Variants in MAGI2 observed in about 807,000 individuals in gnomAD.
MAGI2 encodes the protein membrane-associated guanylate kinase, WW and PDZ domain-containing protein 2.
Under a neutral mutation model 133.3 loss-of-function variants are expected in MAGI2, and 35 were observed. The observed-to-expected ratio is 0.26, with a 90% CI of 0.20 to 0.35. The LOEUF (loss-of-function observed/expected upper bound fraction) is 0.35, where lower values mean the gene tolerates loss of function less well. Ranked by LOEUF, MAGI2 falls within the 10% of genes least tolerant of loss-of-function variation. The probability of loss-of-function intolerance (pLI) is 1.00; values close to 1 mark genes in which losing one functional copy is unlikely to be tolerated. For missense variants in MAGI2, 1,636 were observed against 1,863.4 expected, an observed-to-expected ratio of 0.88 and a Z score of 2.25; for synonymous variants, 729 against 710.6, an observed-to-expected ratio of 1.03 and a Z score of -0.41.
At chr7:78,548,184 A>G (rs932328693) in intron 3 of MAGI2, among the ~76,000 whole-genome samples, 7 of 152,236 alleles carry the variant, frequency 4.6e-5, no homozygotes, top group African/African-American at 1.4e-4. Flanking sequence ...ACTCAGCATC[A>G]GTTTTCAACA....
intron 1 of MAGI2, among the ~76,000 whole-genome samples, chr7:79,338,157 G>A (rs912311236): frequency 1.3e-5 from 2 of 152,150 alleles, no homozygotes; most frequent in African/African-American, 4.8e-5. Context: ...AGCAGCTCTG[G>A]AATGTTTCAT....
chr7:79,017,229 GT>G (rs1336969449), intron 1 of MAGI2, among the ~76,000 whole-genome samples: 2 of 152,194 alleles, frequency 1.3e-5, no homozygotes, highest in African/African-American at 4.8e-5. Context: ...GGCCCCTCCA[GT>G]GAGTTAGGTT....
At chr7:79,287,352 A>T (rs1183215896) in intron 1 of MAGI2, among the ~76,000 whole-genome samples, 1 of 152,084 alleles carries the variant, frequency 6.6e-6, no homozygotes, top group Admixed American at 6.6e-5. Flanking sequence ...CATATTCACT[A>T]AGATTCTCTA....
At chr7:78,086,672 T>C (rs1816676945) in intron 20 of MAGI2, among the ~76,000 whole-genome samples, 1 of 151,270 alleles carries the variant, frequency 6.6e-6, no homozygotes, top group Non-Finnish European at 1.5e-5. Context: ...TCTCACTTTG[T>C]CACCCAAGCT....
intron 1 of MAGI2, among the ~76,000 whole-genome samples, chr7:79,385,968 A>AT (rs1844152145): frequency 6.6e-6 from 1 of 151,956 alleles, no homozygotes; most frequent in African/African-American, 2.4e-5. Context: ...AATAAAATTT[A>AT]TTTTTTTAAA....
chr7:78,659,610 A>C (rs1487487564), intron 2 of MAGI2, among the ~76,000 whole-genome samples: 1 of 152,088 alleles, frequency 6.6e-6, no homozygotes, highest in Non-Finnish European at 1.5e-5. Flanking sequence ...TGGAGAACAG[A>C]TTACTTGTTG....
At chr7:78,354,383 T>C (rs1440838259) in intron 7 of MAGI2, among the ~76,000 whole-genome samples, 1 of 152,218 alleles carries the variant, frequency 6.6e-6, no homozygotes, top group African/African-American at 2.4e-5. Flanking sequence ...AGGAATCCTT[T>C]GGAGCTTGAC....
At chr7:79,450,372 A>T (rs533831573) in intron 1 of MAGI2, among the ~76,000 whole-genome samples, 99 of 152,300 alleles carry the variant, frequency 6.5e-4, no homozygotes, top group Non-Finnish European at 1.1e-3. Context: ...AATAAAATTA[A>T]TCTATGATTT....
chr7:78,256,559 A>G lies in MAGI2; in HGVS notation c.1431T>C (p.Asn477=). Residue 477 remains asparagine, a synonymous_variant, in exon 10 of 22, where the codon AAT becomes AAC. Coordinates refer to ENST00000354212, the MANE Select transcript of MAGI2 (RefSeq NM_012301.4). ...GAGTGTGTCCAAGGACACAAACTTC[A>G]TTAATATAGACAATGACATCACCTG... ...METGDVIVYI[N]EVCVLGHTHA... is the part of the protein sequence containing the mutation. The G allele has an allele frequency of 1.9e-6, 3 of 1,613,446 alleles. No homozygotes were observed. The South Asian group carries it at 3.3e-5, about 18-fold the overall frequency.
intron 3 of MAGI2, among the ~76,000 whole-genome samples, chr7:78,624,353 T>C (rs558452688): frequency 2.6e-5 from 4 of 152,302 alleles, no homozygotes; most frequent in African/African-American, 9.6e-5. Context: ...TTGTTGCAAT[T>C]GCTTTTGGTG....
chr7:78,397,704 A>T (rs1796485624), intron 6 of MAGI2, among the ~76,000 whole-genome samples: 1 of 152,138 alleles, frequency 6.6e-6, no homozygotes, highest in African/African-American at 2.4e-5. Context: ...TAAGATTGAG[A>T]TATAAAAATC....
intron 1 of MAGI2, among the ~76,000 whole-genome samples, chr7:79,261,201 G>C (rs960606871): frequency 6.6e-6 from 1 of 152,212 alleles, no homozygotes; most frequent in African/African-American, 2.4e-5. Context: ...GGGAAGACTT[G>C]ATTCCCAATA....
intron 2 of MAGI2, among the ~76,000 whole-genome samples, chr7:78,833,626 G>A (rs1205936745): frequency 6.6e-6 from 1 of 152,158 alleles, no homozygotes; most frequent in Non-Finnish European, 1.5e-5. Flanking sequence ...TGAACCAAAA[G>A]GCTCAATGCC....
rs531438533 is a variant in MAGI2, at chr7:78,569,974, T to C, written c.539-48329A>G. ...CTTTGTTTTTGTGGATAGTAATGTT[T>C]TCATTGTTCTCATTGCTACAGAGTA... On this transcript the variant is annotated intron_variant, in intron 3 of 21. Coordinates refer to ENST00000354212, the MANE Select transcript of MAGI2 (RefSeq NM_012301.4). Among the ~76,000 whole-genome samples the C allele has an allele frequency of 6.5e-4, 99 of 152,384 alleles. 1 individual carries two copies. The highest frequency in any genetic ancestry group is 2.3e-3 in the African/African-American group (96 of 41,598).
chr7:78,298,297 C>G (rs1215247120), intron 9 of MAGI2, among the ~76,000 whole-genome samples: 1 of 152,074 alleles, frequency 6.6e-6, no homozygotes, highest in Admixed American at 6.6e-5. Context: ...AATGTGGTAT[C>G]CTGGATGGGA....
chr7:78,052,985 T>C (rs910593410), intron 21 of MAGI2, among the ~76,000 whole-genome samples: 3 of 152,106 alleles, frequency 2.0e-5, no homozygotes, highest in South Asian at 2.1e-4. Flanking sequence ...AAACAAGGTA[T>C]AGAAGGATAT....
rs865992611 is a variant in MAGI2, at chr7:79,359,685, C to A, written c.301+93335G>T. Reference sequence around the variant, plus strand: ...CAAGTGGGAAACACACACACACACACACACACACACACACACACACACACA... The same window carrying A: ...CAAGTGGGAAACACACACACACACAAACACACACACACACACACACACACA... On this transcript the variant is annotated intron_variant, in intron 1 of 21. Coordinates refer to ENST00000354212, the MANE Select transcript of MAGI2 (RefSeq NM_012301.4). 1.5e-3 allele frequency among the ~76,000 whole-genome samples: 225 copies of A among 150,214 alleles called. 2 individuals are homozygous for A. The highest frequency in any genetic ancestry group is 5.1e-3 in the African/African-American group (209 of 40,696).
chr7:78,704,778 C>CTTTTTTTTTTTTCTT (rs1563380710), intron 2 of MAGI2, among the ~76,000 whole-genome samples: 3 of 47,346 alleles, frequency 6.3e-5, no homozygotes, highest in Non-Finnish European at 9.7e-5. Flanking sequence ...GGCCATTATT[C>CTTTTTTTTTTTTCTT]TTTTTTTTTT....
chr7:78,438,067 GGCA>G (rs1787223961), intron 6 of MAGI2, among the ~76,000 whole-genome samples: 1 of 152,100 alleles, frequency 6.6e-6, no homozygotes, highest in Non-Finnish European at 1.5e-5. Flanking sequence ...CATCCTTGGT[GGCA>G]GTGTACACAT....
Sources: allele counts gnomAD v4.1 joint callset (sites outside exome capture counted in the v4.1 genomes callset), GRCh38; gene constraint gnomAD v4.1.1; transcripts MANE v1.5; gene names NCBI Gene and HGNC (gene_info 2026-07-23, HGNC 2026-07-21).